Variants in CDC42SE2 observed in about 807,000 individuals in gnomAD.
The protein encoded by CDC42SE2 is CDC42 small effector protein 2.
CDC42SE2 carries 3 observed loss-of-function variants against 11.5 expected under a neutral mutation model. That is an observed-to-expected ratio of 0.26 (90% confidence interval 0.12 to 0.67). The LOEUF is 0.67. Among genes scored for constraint, CDC42SE2 ranks in the 30% least tolerant of loss-of-function variants. CDC42SE2 has a pLI of 0.80. For synonymous variants in CDC42SE2, 33 were observed against 34.8 expected, an observed-to-expected ratio of 0.95 and a Z score of 0.18; for missense variants, 82 against 106.8, an observed-to-expected ratio of 0.77 and a Z score of 1.02.
upstream of CDC42SE2, among the ~76,000 whole-genome samples, chr5:131,242,511 C>A (rs1263913160): frequency 1.3e-5 from 2 of 151,842 alleles, no homozygotes; most frequent in Non-Finnish European, 2.9e-5. Flanking sequence ...TCCTTTTTTT[C>A]ATGCAATCTT....
intron 2 of CDC42SE2, among the ~76,000 whole-genome samples, chr5:131,319,827 G>A (rs1258468737): frequency 3.3e-5 from 5 of 151,924 alleles, no homozygotes; most frequent in South Asian, 2.1e-4. Context: ...CGAGGCAGGC[G>A]GATCACGAGG....
At chr5:131,341,239 A>G (rs1027528717) in intron 2 of CDC42SE2, among the ~76,000 whole-genome samples, 2 of 152,190 alleles carry the variant, frequency 1.3e-5, no homozygotes, top group Admixed American at 6.6e-5. Context: ...ACCAAGTAAC[A>G]TCTCTGTGGC....
chr5:131,253,847 T>C (rs58991576), intron 1 of CDC42SE2, among the ~76,000 whole-genome samples: 35,322 of 152,176 alleles, frequency 0.23, 4,469 homozygotes, highest in East Asian at 0.49. Context: ...TGAAGGATTG[T>C]CTTTTGACAA....
chr5:131,339,429 A>G (rs1333253700), intron 2 of CDC42SE2, among the ~76,000 whole-genome samples: 5 of 152,110 alleles, frequency 3.3e-5, no homozygotes, highest in Non-Finnish European at 7.4e-5. Flanking sequence ...AGAAAAACAT[A>G]TCTATTTAAA....
the CDC42SE2 span, among the ~76,000 whole-genome samples, chr5:131,210,173 T>A: frequency 5.3e-5 from 8 of 152,306 alleles, no homozygotes; most frequent in South Asian, 1.0e-3. Flanking sequence ...GGTGAGCCAA[T>A]TAAACCTCTT....
At chr5:131,348,904 T>C (rs919943760) in intron 2 of CDC42SE2, among the ~76,000 whole-genome samples, 1 of 152,176 alleles carries the variant, frequency 6.6e-6, no homozygotes, top group Admixed American at 6.5e-5. Flanking sequence ...ATTCCCTGTT[T>C]AATAAATGGT....
Position 131,308,552 on chromosome 5 carries a change from C to T in CDC42SE2, c.-454-7424C>T, listed in dbSNP as rs544737573. ...ACCTTGGGCAGTATGGCCATTTTCA[C>T]GATATTGATTCTTCCTACCCATGAG... On this transcript the variant is annotated intron_variant, in intron 1 of 4. Transcript: ENST00000505065. Among the ~76,000 whole-genome samples, 25 of 151,802 alleles carry T rather than the reference C, an allele frequency of 1.6e-4. No individual in the cohort carries two copies. The East Asian group carries it at 2.1e-3, about 13-fold the overall frequency.
rs1272253062 is a variant in CDC42SE2 at position 131,394,586 on chromosome 5, C to G, written c.*3495C>G. The G allele has an allele frequency of 1.3e-5, 2 of 152,180 alleles. No homozygotes were observed. The highest frequency in any genetic ancestry group is 4.8e-5 in the African/African-American group (2 of 41,388). 9.4% of individuals were successfully genotyped at this position (152,180 alleles called of 1,614,324 possible). On this transcript the variant is annotated 3_prime_UTR_variant, in exon 5 of 5. Coordinates refer to ENST00000505065, the MANE Select transcript of CDC42SE2 (RefSeq NM_001375635.1). ...ACTTTTTTTGTACATTGTGTTCATT[C>G]TTGAATAAAATGAGTTCTGTGTTGG...
At chr5:131,288,584 C>A (rs747795932) in intron 1 of CDC42SE2, among the ~76,000 whole-genome samples, 4 of 152,120 alleles carry the variant, frequency 2.6e-5, no homozygotes, top group African/African-American at 4.8e-5. Flanking sequence ...AGCCCCAAAC[C>A]CCTGGCTTCA....
the CDC42SE2 span, among the ~76,000 whole-genome samples, chr5:131,238,580 C>T: frequency 6.7e-6 from 1 of 149,638 alleles, no homozygotes; most frequent in African/African-American, 2.5e-5. Flanking sequence ...AACAAACCTG[C>T]ACAATCTGCA....
At chr5:131,257,978 A>AT (rs1756691818) in intron 2 of CDC42SE2, among the ~76,000 whole-genome samples, 1 of 152,046 alleles carries the variant, frequency 6.6e-6, no homozygotes. Context: ...AGATACGGGG[A>AT]GAAGTATCCT....
rs1216619237 is a variant in CDC42SE2, at chr5:131,394,063, T to C, written c.*2972T>C. 6.6e-6 allele frequency: 1 copy of C among 152,320 alleles called. No individual in the cohort carries two copies. Among genetic ancestry groups the C allele is most frequent in the Admixed American group, 6.5e-5 (1 of 15,274 alleles). 9.4% of individuals were successfully genotyped at this position (152,320 alleles called of 1,614,324 possible). ...GGTATTAACCTTGGACATAATTTTT[T>C]TTAGGGAGGCAGCTTTCCCACTTTT... On this transcript the variant is annotated 3_prime_UTR_variant, in exon 5 of 5. Transcript: ENST00000505065.
chr5:131,309,279 C>A (rs1318000841), intron 1 of CDC42SE2, among the ~76,000 whole-genome samples: 12 of 150,736 alleles, frequency 8.0e-5, no homozygotes, highest in Admixed American at 4.0e-4. Flanking sequence ...ACCAGCCTTG[C>A]ATCCCAGGGA....
chr5:131,301,789 T>A (rs888712832), intron 1 of CDC42SE2, among the ~76,000 whole-genome samples: 1 of 151,078 alleles, frequency 6.6e-6, no homozygotes, highest in Non-Finnish European at 1.5e-5. Context: ...AAGTTAAAAG[T>A]CCTCTGACTA....
intron 3 of CDC42SE2, among the ~76,000 whole-genome samples, chr5:131,374,461 G>T (rs1408726700): frequency 6.6e-6 from 1 of 150,706 alleles, no homozygotes; most frequent in Non-Finnish European, 1.5e-5. Context: ...AACCCGGGTG[G>T]CAGAGGTTGC....
intron 4 of CDC42SE2, among the ~76,000 whole-genome samples, chr5:131,387,382 C>G (rs1750518631): frequency 1.3e-5 from 2 of 152,014 alleles, no homozygotes; most frequent in African/African-American, 2.4e-5. Flanking sequence ...AACCCTGTCT[C>G]TACCAAAAAT....
intron 2 of CDC42SE2, among the ~76,000 whole-genome samples, chr5:131,351,475 C>T (rs1005921531): frequency 1.6e-4 from 25 of 152,198 alleles, no homozygotes; most frequent in East Asian, 3.9e-4. Flanking sequence ...AGGATGGTCT[C>T]GATCTCCTGA....
intron 1 of CDC42SE2, among the ~76,000 whole-genome samples, chr5:131,298,590 G>A (rs1325148947): frequency 6.8e-6 from 1 of 147,806 alleles, no homozygotes; most frequent in Non-Finnish European, 1.5e-5. Flanking sequence ...GTATCTTTTT[G>A]GGGGCAGTTA....
chr5:131,352,337 A>G (rs1053933480), intron 2 of CDC42SE2, among the ~76,000 whole-genome samples: 4 of 152,238 alleles, frequency 2.6e-5, no homozygotes, highest in African/African-American at 9.6e-5. Flanking sequence ...TATAATATCC[A>G]TATAATGGAA....
Sources: allele counts gnomAD v4.1 joint callset (sites outside exome capture counted in the v4.1 genomes callset), GRCh38; gene constraint gnomAD v4.1.1; transcripts MANE v1.5; gene names NCBI Gene and HGNC (gene_info 2026-07-23, HGNC 2026-07-21).